The following PTPRK variants were observed in gnomAD, a reference collection of about 807,000 sequenced individuals.
PTPRK encodes the protein protein tyrosine phosphatase receptor type K.
PTPRK carries 75 observed loss-of-function variants against 178.0 expected under a neutral mutation model. The ratio of observed to expected loss-of-function variants is 0.42; its 90% CI spans 0.35 to 0.51. The LOEUF (loss-of-function observed/expected upper bound fraction) is 0.51, where lower values mean the gene tolerates loss of function less well. PTPRK is among the 20% of genes least tolerant of loss of function. PTPRK has a pLI of 0.02. For synonymous variants in PTPRK, 637 were observed against 620.6 expected (o/e 1.03, Z -0.39); for missense variants, 1,441 against 1,797.8 (o/e 0.80, Z 3.59).
chr6:128,473,025 T>C (rs977086322), intron 1 of PTPRK, among the ~76,000 whole-genome samples: 5 of 152,118 alleles, frequency 3.3e-5, no homozygotes, highest in Non-Finnish European at 7.4e-5. Context: ...TCACAGTCCA[T>C]ATTCAATTGC....
At chr6:128,317,817 C>A (rs1003747420) in intron 3 of PTPRK, among the ~76,000 whole-genome samples, 1 of 152,104 alleles carries the variant, frequency 6.6e-6, no homozygotes, top group African/African-American at 2.4e-5. Context: ...AGTTTCCTGG[C>A]AGACTTTCCT....
intron 1 of PTPRK, among the ~76,000 whole-genome samples, chr6:128,473,061 A>C (rs1850910667): frequency 6.6e-6 from 1 of 152,052 alleles, no homozygotes; most frequent in Non-Finnish European, 1.5e-5. Context: ...TGTCCTTTTT[A>C]AGTATAATTT....
At chr6:128,192,362 T>G (rs1803950727) in intron 6 of PTPRK, among the ~76,000 whole-genome samples, 1 of 152,194 alleles carries the variant, frequency 6.6e-6, no homozygotes. Flanking sequence ...CTTTTTCTTT[T>G]ATCCTTGTTT....
At chr6:128,226,377 T>C (rs569313530) in intron 5 of PTPRK, among the ~76,000 whole-genome samples, 1 of 152,352 alleles carries the variant, frequency 6.6e-6, no homozygotes, top group East Asian at 1.9e-4. Context: ...AGTCTTTTGA[T>C]GTGTGTACTT....
At chr6:128,449,763 G>C (rs1847517360) in intron 1 of PTPRK, among the ~76,000 whole-genome samples, 2 of 152,000 alleles carry the variant, frequency 1.3e-5, no homozygotes, top group African/African-American at 4.8e-5. Flanking sequence ...TGCTTACTTT[G>C]TGAGATAAAA....
chr6:128,305,792 T>C (rs537750831), intron 3 of PTPRK, among the ~76,000 whole-genome samples: 1 of 152,324 alleles, frequency 6.6e-6, no homozygotes, highest in East Asian at 1.9e-4. Context: ...CCAAATACAA[T>C]TTCATAGAAT....
intron 1 of PTPRK, among the ~76,000 whole-genome samples, chr6:128,412,216 C>T (rs968961792): frequency 6.6e-6 from 1 of 152,188 alleles, no homozygotes; most frequent in Non-Finnish European, 1.5e-5. Context: ...GGATATTCAG[C>T]AGCCATTGAT....
chr6:127,997,026 T>C, intron 16 of PTPRK, 38 bp from the exon 17 acceptor site: 1 of 1,585,894 alleles, frequency 6.3e-7, no homozygotes, highest in African/African-American at 1.3e-5. Flanking sequence ...TGAATTTAAT[T>C]CCTTTTTAAA....
intron 3 of PTPRK, among the ~76,000 whole-genome samples, chr6:128,307,810 G>T (rs1267954980): frequency 6.6e-6 from 1 of 151,944 alleles, no homozygotes; most frequent in Non-Finnish European, 1.5e-5. Context: ...AAATACCAAG[G>T]GTTACTCAGC....
intron 3 of PTPRK, chr6:128,320,967 G>GA (rs1274403726): frequency 6.6e-6 from 1 of 152,046 alleles, no homozygotes; most frequent in African/African-American, 2.4e-5. Context: ...ACCTTGAACT[G>GA]AAAATCTTAC....
chr6:128,315,924 T>C (rs1827936750), intron 3 of PTPRK, among the ~76,000 whole-genome samples: 1 of 151,884 alleles, frequency 6.6e-6, no homozygotes, highest in Admixed American at 6.6e-5. Flanking sequence ...ATGGACAGAG[T>C]TCACACAAAA....
intron 13 of PTPRK, among the ~76,000 whole-genome samples, chr6:128,015,397 C>T (rs139422725): frequency 5.1e-4 from 78 of 151,778 alleles, no homozygotes; most frequent in African/African-American, 1.8e-3. Flanking sequence ...ACTTCTTAAA[C>T]ACAGTTGATT....
chr6:128,067,788 A>G lies in PTPRK; in HGVS notation c.1888T>C (p.Tyr630His). The change falls in exon 12 of 30, where the codon TAT (tyrosine) becomes CAT (histidine). Residue 630 changes from tyrosine (Y) to histidine (H), a missense_variant. By Grantham distance (83) the Tyr-to-His change is moderately conservative (BLOSUM62 2). Coordinates refer to ENST00000368226, the MANE Select transcript of PTPRK (RefSeq NM_002844.4). ...AQAKGAPISA[Y>H]QIVVEELHPH... ...TGCAGTTCTTCCACAACAATCTGATAAGCACTTTGGGGAAAAGAAAAAAAG... is the reference window on the plus strand; with the variant it reads ...TGCAGTTCTTCCACAACAATCTGATGAGCACTTTGGGGAAAAGAAAAAAAG... 1 of 1,590,664 alleles carries G rather than the reference A, an allele frequency of 6.3e-7. No homozygotes were observed. Among genetic ancestry groups the G allele is most frequent in the Non-Finnish European group, 8.6e-7 (1 of 1,166,832 alleles).
chr6:128,284,541 G>C (rs528775972), intron 3 of PTPRK, among the ~76,000 whole-genome samples: 212 of 152,294 alleles, frequency 1.4e-3, no homozygotes, highest in Middle Eastern at 0.01. Flanking sequence ...TCCAATGCAA[G>C]AATGAATGTT....
intron 1 of PTPRK, among the ~76,000 whole-genome samples, chr6:128,487,927 G>T (rs1853203499): frequency 6.6e-6 from 1 of 151,762 alleles, no homozygotes; most frequent in African/African-American, 2.4e-5. Flanking sequence ...ATTAGTCAGG[G>T]TTCTCTAGAG....
rs550005063 is a variant in PTPRK at position 127,978,245 on chromosome 6, C to T, written c.3712-1191G>A. On this transcript the variant is annotated intron_variant, in intron 25 of 29. Transcript: ENST00000368226. ...TGAGTCATATTGTTTGGCTCTGTGT[C>T]CCCACCCAAATCTCACCTAGAATTG... Among the ~76,000 whole-genome samples the T allele has an allele frequency of 4.2e-4, 64 of 152,284 alleles. 1 individual carries two copies. The highest frequency in any genetic ancestry group is 1.5e-3 in the African/African-American group (62 of 41,558).
At chr6:128,048,195 G>T (rs555535796) in intron 13 of PTPRK, among the ~76,000 whole-genome samples, 1 of 152,318 alleles carries the variant, frequency 6.6e-6, no homozygotes, top group South Asian at 2.1e-4. Context: ...GACCTGACCA[G>T]CAGTGTCAGG....
intron 1 of PTPRK, among the ~76,000 whole-genome samples, chr6:128,504,118 C>T (rs990800818): frequency 5.9e-5 from 9 of 151,958 alleles, no homozygotes; most frequent in South Asian, 2.1e-4. Context: ...AAAGACAACA[C>T]GTGATGTAAC....
chr6:128,380,343 C>G (rs1231502765), intron 2 of PTPRK, among the ~76,000 whole-genome samples: 2 of 152,054 alleles, frequency 1.3e-5, no homozygotes, highest in East Asian at 3.9e-4. Flanking sequence ...TGCATCAGCA[C>G]AAGATACCAG....
Sources: allele counts gnomAD v4.1 joint callset (sites outside exome capture counted in the v4.1 genomes callset), GRCh38; gene constraint gnomAD v4.1.1; transcripts MANE v1.5; gene names NCBI Gene and HGNC (gene_info 2026-07-23, HGNC 2026-07-21).